The following GATB variants were observed in gnomAD, a reference collection of about 807,000 sequenced individuals.
GATB encodes the protein glutamyl-tRNA(Gln) amidotransferase subunit B, mitochondrial.
Under a neutral mutation model 62.3 loss-of-function variants are expected in GATB, and 39 were observed. The ratio of observed to expected loss-of-function variants is 0.63; its 90% CI spans 0.48 to 0.82. The LOEUF (loss-of-function observed/expected upper bound fraction) is 0.82. Among genes scored for constraint, GATB ranks in the 40% least tolerant of loss-of-function variants. The pLI is 0.00. For synonymous variants in GATB, 276 were observed against 258.9 expected (o/e 1.07, Z -0.63); for missense variants, 670 against 684.0 (o/e 0.98, Z 0.23).
intron 2 of GATB, among the ~76,000 whole-genome samples, chr4:151,753,634 CCTT>C: frequency 6.6e-6 from 1 of 151,744 alleles, no homozygotes; most frequent in African/African-American, 2.4e-5. Flanking sequence ...TGTCTTTACC[CCTT>C]CTTCATTGGC....
intron 2 of GATB, among the ~76,000 whole-genome samples, chr4:151,733,719 G>A (rs1306552546): frequency 3.3e-5 from 5 of 152,080 alleles, no homozygotes; most frequent in East Asian, 3.8e-4. Context: ...CTAGCTATCC[G>A]AATCTAACAA....
intron 9 of GATB, among the ~76,000 whole-genome samples, chr4:151,695,415 C>G (rs1738448618): frequency 6.6e-6 from 1 of 152,098 alleles, no homozygotes; most frequent in Non-Finnish European, 1.5e-5. Flanking sequence ...GTCCCCAAGT[C>G]AGTGTTTTAA....
chr4:151,732,071 G>C (rs186043661), intron 2 of GATB, among the ~76,000 whole-genome samples: 7 of 118,798 alleles, frequency 5.9e-5, no homozygotes, highest in South Asian at 3.0e-4. Context: ...GTCAGCCCCC[G>C]CCCGGCCAGC....
In GATB at chr4:151,679,995, C is replaced by T. The variant is rs1195008103; in HGVS notation, c.1332-104G>A. Reference sequence around the variant, plus strand: ...CACTTGCTCTAGTGGGGGTAAATATCGGACCCACGCCTAGGGATGAAAACA... The same window carrying T: ...CACTTGCTCTAGTGGGGGTAAATATTGGACCCACGCCTAGGGATGAAAACA... On this transcript the variant is annotated intron_variant, in intron 10 of 12. Coordinates refer to ENST00000263985, the MANE Select transcript of GATB (RefSeq NM_004564.3). The T allele has an allele frequency of 2.8e-5, 25 of 899,512 alleles. No individual in the cohort carries two copies. In the East Asian group the frequency reaches 4.2e-4, roughly 15 times the overall value. The allele number at this position is 899,512 out of a possible 1,614,324, so 55.7% of individuals were successfully genotyped here. A position where few individuals can be genotyped will look rare whatever the true frequency, so the allele number is the denominator to read the frequency against.
At chr4:151,697,953 G>GTATATATACA (rs1738511735) in intron 9 of GATB, among the ~76,000 whole-genome samples, 1 of 40,610 alleles carries the variant, frequency 2.5e-5, no homozygotes, top group Admixed American at 3.0e-4. Context: ...GTGTGTGTGT[G>GTATATATACA]TATATATATA....
At chr4:151,746,508 A>G (rs1183540249) in intron 2 of GATB, among the ~76,000 whole-genome samples, 1 of 152,234 alleles carries the variant, frequency 6.6e-6, no homozygotes, top group Non-Finnish European at 1.5e-5. Flanking sequence ...ATTAAGGAAG[A>G]CTTGGCACCA....
chr4:151,687,449 T>C (rs751923963), intron 10 of GATB, among the ~76,000 whole-genome samples: 4 of 152,224 alleles, frequency 2.6e-5, no homozygotes, highest in Non-Finnish European at 5.9e-5. Context: ...TTGAGATAAT[T>C]GCTCTCAACT....
chr4:151,701,680 T>C (rs563630658), intron 8 of GATB, among the ~76,000 whole-genome samples, 162 bp from the exon 9 acceptor site: 14 of 152,314 alleles, frequency 9.2e-5, no homozygotes, highest in Middle Eastern at 3.4e-3. Context: ...AGGGAAGCCA[T>C]TGCATAAGTG....
At chr4:151,726,201 T>C (rs932444456) in intron 2 of GATB, among the ~76,000 whole-genome samples, 2 of 152,258 alleles carry the variant, frequency 1.3e-5, no homozygotes, top group Non-Finnish European at 2.9e-5. Context: ...GCCTTTATCT[T>C]ACTGCTAACC....
intron 2 of GATB, among the ~76,000 whole-genome samples, chr4:151,746,466 T>C (rs1302363991): frequency 6.6e-6 from 1 of 152,252 alleles, no homozygotes; most frequent in East Asian, 1.9e-4. Context: ...AGATCCTGTC[T>C]ATAGATCTAT....
At chr4:151,701,849 C>T (rs946953413) in intron 8 of GATB, among the ~76,000 whole-genome samples, 2 of 152,142 alleles carry the variant, frequency 1.3e-5, no homozygotes, top group East Asian at 1.9e-4. Flanking sequence ...TTCACAACGG[C>T]GATATGTTCG....
intron 9 of GATB, among the ~76,000 whole-genome samples, chr4:151,694,143 A>G (rs1030936614): frequency 1.3e-5 from 2 of 152,212 alleles, no homozygotes; most frequent in African/African-American, 4.8e-5. Context: ...GCTGCAGCTT[A>G]AAAACAGCAA....
chr4:151,721,068 C>A (rs1739022200), intron 2 of GATB: 1 of 152,178 alleles, frequency 6.6e-6, no homozygotes, highest in Non-Finnish European at 1.5e-5. Context: ...GAAACCCCGT[C>A]TCTACTAAAA....
chr4:151,760,778 G>C (rs776204318), intron 1 of GATB, 29 bp downstream of exon 1: 2 of 1,544,402 alleles, frequency 1.3e-6, no homozygotes, highest in African/African-American at 1.4e-5. Context: ...CTCACAGTTA[G>C]GTGGGCAGAA....
chr4:151,674,940 GAC>G (rs1737964516), intron 11 of GATB: 1 of 152,238 alleles, frequency 6.6e-6, no homozygotes, highest in Admixed American at 6.5e-5. Context: ...TGCGTCTGCA[GAC>G]ACAGACCAGG....
At chr4:151,694,537 T>C (rs532988607) in intron 9 of GATB, among the ~76,000 whole-genome samples, 23 of 152,252 alleles carry the variant, frequency 1.5e-4, no homozygotes, top group Non-Finnish European at 3.2e-4. Flanking sequence ...AAAAGCACCC[T>C]TAGGCTAGCA....
At chr4:151,725,164 C>T (rs1739113525) in intron 2 of GATB, among the ~76,000 whole-genome samples, 1 of 152,192 alleles carries the variant, frequency 6.6e-6, no homozygotes, top group Admixed American at 6.5e-5. Flanking sequence ...TGGGTAAGAC[C>T]CATCCTCTAT....
chr4:151,682,082 C>T (rs536701570), intron 10 of GATB, among the ~76,000 whole-genome samples: 2 of 152,178 alleles, frequency 1.3e-5, no homozygotes, highest in African/African-American at 4.8e-5. Context: ...CTAAAAATAA[C>T]GTCGCCTTTG....
intron 4 of GATB, 117 bp from the exon 5 acceptor site, chr4:151,716,248 GC>G: frequency 1.0e-6 from 1 of 1,000,948 alleles, no homozygotes; most frequent in Non-Finnish European, 1.4e-6. Flanking sequence ...AGTGGTTCTA[GC>G]CTCTCAATCA....
Sources: gnomAD v4.1 joint callset for allele counts (sites outside exome capture counted in the v4.1 genomes callset) on GRCh38, gnomAD v4.1.1 for gene constraint, MANE v1.5 for transcripts, NCBI Gene and HGNC (gene_info 2026-07-23, HGNC 2026-07-21) for gene names.